Variants in SYN2 observed in about 807,000 individuals in gnomAD.
SYN2 encodes synapsin II.
A neutral mutation model predicts 50.9 loss-of-function variants in SYN2; 19 were observed. The observed-to-expected ratio is 0.37, with a 90% CI of 0.26 to 0.55. The LOEUF (loss-of-function observed/expected upper bound fraction) is 0.55. Ranked by LOEUF, SYN2 falls within the 20% of genes least tolerant of loss-of-function variation. SYN2 has a pLI of 0.81. For missense variants in SYN2, 587 were observed against 576.4 expected, an observed-to-expected ratio of 1.02 and a Z score of -0.19; for synonymous variants, 255 against 224.9, an observed-to-expected ratio of 1.13 and a Z score of -1.20.
intron 1 of SYN2, among the ~76,000 whole-genome samples, chr3:12,061,654 A>G (rs1020891341): frequency 1.3e-5 from 2 of 152,082 alleles, no homozygotes; most frequent in African/African-American, 4.8e-5. Flanking sequence ...TTGCTAGGAA[A>G]TGATAAACCT....
At chr3:12,045,707 AC>A (rs1183605992) in intron 1 of SYN2, among the ~76,000 whole-genome samples, 2 of 152,046 alleles carry the variant, frequency 1.3e-5, no homozygotes, top group African/African-American at 2.4e-5. Context: ...TACAATCTCC[AC>A]CTCAGTGCTC....
chr3:12,189,105 T>C lies in SYN2; in HGVS notation c.1614-1385T>C, dbSNP rs57551767. 7.7e-3 allele frequency among the ~76,000 whole-genome samples: 1,171 copies of C among 152,246 alleles called. 13 individuals are homozygous for C. The highest frequency in any genetic ancestry group is 0.027 in the African/African-American group (1,102 of 41,524). On this transcript the variant is annotated intron_variant, in intron 12 of 12. Coordinates refer to ENST00000621198, the MANE Select transcript of SYN2 (RefSeq NM_133625.6). ...CAGAGAGAGACTGCTCACAGTTCTG[T>C]AGAAGGGAGTTTCTCCTGAGCTGCA...
chr3:12,093,714 T>C (rs370697947), intron 1 of SYN2, among the ~76,000 whole-genome samples: 1 of 152,308 alleles, frequency 6.6e-6, no homozygotes, highest in African/African-American at 2.4e-5. Context: ...TTAGCGTCTT[T>C]TTTCTAGGTG....
At chr3:12,067,529 G>T (rs1220942189) in intron 1 of SYN2, among the ~76,000 whole-genome samples, 2 of 151,706 alleles carry the variant, frequency 1.3e-5, no homozygotes, top group Non-Finnish European at 2.9e-5. Context: ...GCCGGGTGTG[G>T]TGGCTCATGC....
intron 1 of SYN2, among the ~76,000 whole-genome samples, chr3:12,034,439 A>G (rs1313020602): frequency 6.6e-6 from 1 of 152,214 alleles, no homozygotes; most frequent in African/African-American, 2.4e-5. Context: ...TATGTTCTAG[A>G]TAAAAATACT....
intron 1 of SYN2, among the ~76,000 whole-genome samples, chr3:12,137,453 T>C (rs184636543): frequency 1.3e-3 from 204 of 152,330 alleles, no homozygotes; most frequent in African/African-American, 4.5e-3. Flanking sequence ...TACCAGCACT[T>C]CTGTCATAAA....
chr3:12,066,745 G>C (rs1022670521), intron 1 of SYN2, among the ~76,000 whole-genome samples: 13 of 152,126 alleles, frequency 8.5e-5, no homozygotes, highest in African/African-American at 3.1e-4. Flanking sequence ...CTCTTTACAA[G>C]TGTATTAGTC....
At chr3:12,150,368 C>T (rs758294593) in intron 4 of SYN2, among the ~76,000 whole-genome samples, 4 of 152,212 alleles carry the variant, frequency 2.6e-5, no homozygotes, top group Non-Finnish European at 5.9e-5. Flanking sequence ...GCCTGAAAGG[C>T]AGCTACTTGC....
rs114765470 is a variant in SYN2 at position 12,086,179 on chromosome 3, T to C, written c.378-54472T>C. ...CCTATTAAGATGAATCAAGAAGAAA[T>C]AGAAAATCTGAACAGGCAATAATGA... is the stretch of plus-strand genomic sequence containing the variant. On this transcript the variant is annotated intron_variant, in intron 1 of 12. Coordinates refer to ENST00000621198, the MANE Select transcript of SYN2 (RefSeq NM_133625.6). 4.8e-3 allele frequency among the ~76,000 whole-genome samples: 726 copies of C among 151,970 alleles called. 5 individuals are homozygous for C. The highest frequency in any genetic ancestry group is 0.017 in the African/African-American group (689 of 41,486).
At chr3:12,162,943 C>G (rs1697688762) in intron 7 of SYN2, among the ~76,000 whole-genome samples, 1 of 152,164 alleles carries the variant, frequency 6.6e-6, no homozygotes, top group Non-Finnish European at 1.5e-5. Flanking sequence ...TAATCCCCCA[C>G]TTAAAGTTTA....
At chr3:12,075,710 C>G (rs1000828453) in intron 1 of SYN2, among the ~76,000 whole-genome samples, 1 of 152,072 alleles carries the variant, frequency 6.6e-6, no homozygotes, top group Non-Finnish European at 1.5e-5. Flanking sequence ...ATATTTTTAT[C>G]CTGTATATGA....
intron 1 of SYN2, among the ~76,000 whole-genome samples, chr3:12,042,389 C>T (rs1694638738): frequency 6.6e-6 from 1 of 152,152 alleles, no homozygotes; most frequent in African/African-American, 2.4e-5. Flanking sequence ...GACTAGAGCC[C>T]AAGCTTCAGG....
Position 12,004,947 on chromosome 3 carries a change from C to A in SYN2, c.377+19C>A, listed in dbSNP as rs1174397193. The A allele has an allele frequency of 2.0e-6, 1 of 510,602 alleles. No individual in the cohort carries two copies. The highest frequency in any genetic ancestry group is 3.4e-6 in the Non-Finnish European group (1 of 291,404). The allele number at this position is 510,602 out of a possible 1,614,324, so 31.6% of individuals were successfully genotyped here. ...CCGACTGGTAGGTGCCGGGCGCCGC[C>A]GCCCTCGGGGGTCGGGGTCCGCCGG... On this transcript the variant is annotated intron_variant, in intron 1 of 12. Coordinates refer to ENST00000621198, the MANE Select transcript of SYN2 (RefSeq NM_133625.6).
At chr3:12,051,380 T>C (rs1382737654) in intron 1 of SYN2, among the ~76,000 whole-genome samples, 1 of 144,986 alleles carries the variant, frequency 6.9e-6, no homozygotes, top group South Asian at 2.3e-4. Flanking sequence ...GCTGCTACAT[T>C]GTTCTACATC....
chr3:12,186,057 G>A (rs1010684355), intron 11 of SYN2, among the ~76,000 whole-genome samples: 2 of 152,192 alleles, frequency 1.3e-5, no homozygotes, highest in African/African-American at 4.8e-5. Flanking sequence ...CTATAGTGGG[G>A]AACTGAGCGG....
intron 1 of SYN2, among the ~76,000 whole-genome samples, chr3:12,120,063 T>C (rs893434085): frequency 4.0e-5 from 6 of 151,736 alleles, no homozygotes; most frequent in African/African-American, 1.5e-4. Context: ...AAAAAAAAAA[T>C]GGAGCTCCTT....
At chr3:12,126,817 T>C (rs115636614) in intron 1 of SYN2, among the ~76,000 whole-genome samples, 1,931 of 152,322 alleles carry the variant, frequency 0.013, 18 homozygotes, top group Middle Eastern at 0.02. Flanking sequence ...TTAATAGATA[T>C]TAGTTGATAT....
intron 11 of SYN2, chr3:12,183,991 T>C (rs2124834998): frequency 2.0e-6 from 2 of 986,314 alleles, no homozygotes; most frequent in Middle Eastern, 1.0e-3. Context: ...AAGATCAAAC[T>C]TCCATAGCTT....
chr3:12,084,378 T>G (rs1364843805), intron 1 of SYN2, among the ~76,000 whole-genome samples: 1 of 152,184 alleles, frequency 6.6e-6, no homozygotes, highest in Non-Finnish European at 1.5e-5. Context: ...GATTCTTTCC[T>G]CCTGGACAGT....
Sources: gnomAD v4.1 joint callset for allele counts (sites outside exome capture counted in the v4.1 genomes callset) on GRCh38, gnomAD v4.1.1 for gene constraint, MANE v1.5 for transcripts, NCBI Gene and HGNC (gene_info 2026-07-23, HGNC 2026-07-21) for gene names.